The following CELA3B variants were observed in gnomAD, a reference collection of about 807,000 sequenced individuals.
CELA3B encodes the protein chymotrypsin-like elastase family member 3B.
In CELA3B, 34 loss-of-function variants were observed where a neutral mutation model predicts 37.2. That is an observed-to-expected ratio of 0.91 (90% CI 0.70 to 1.22). The LOEUF (loss-of-function observed/expected upper bound fraction) is 1.22. Ranked by LOEUF, CELA3B falls within the 50% of genes most tolerant of loss-of-function variation. The pLI, the probability that CELA3B is intolerant of heterozygous loss-of-function variation, is 0.00. For synonymous variants in CELA3B, 127 were observed against 143.5 expected, an observed-to-expected ratio of 0.89 and a Z score of 0.82; for missense variants, 340 against 363.1, an observed-to-expected ratio of 0.94 and a Z score of 0.52.
intron 4 of CELA3B, among the ~76,000 whole-genome samples, 153 bp from the exon 5 acceptor site, chr1:21,983,541 T>A (rs1343897192): frequency 2.4e-5 from 2 of 83,926 alleles, no homozygotes; most frequent in African/African-American, 9.0e-5. Context: ...TCTGTCTCAA[T>A]AATAATAATG....
downstream of CELA3B, among the ~76,000 whole-genome samples, chr1:21,992,419 A>G (rs997674437): frequency 6.6e-5 from 10 of 151,808 alleles, no homozygotes; most frequent in African/African-American, 2.2e-4. Context: ...GCATGACAAC[A>G]AGACCCTGTG....
chr1:21,986,196 C>T (rs1221100404), intron 6 of CELA3B, among the ~76,000 whole-genome samples: 1 of 151,112 alleles, frequency 6.6e-6, no homozygotes, highest in Non-Finnish European at 1.5e-5. Context: ...TGGTGAAATC[C>T]CATCTCTATT....
At chr1:21,990,077 A>G (rs1644863850), downstream of CELA3B, among the ~76,000 whole-genome samples, 1 of 150,766 alleles carries the variant, frequency 6.6e-6, no homozygotes, top group African/African-American at 2.5e-5. Context: ...AAGGGGGAAG[A>G]GCCCCTTATA....
intron 6 of CELA3B, among the ~76,000 whole-genome samples, chr1:21,985,479 T>G (rs1444726476): frequency 6.6e-6 from 1 of 152,028 alleles, no homozygotes; most frequent in Non-Finnish European, 1.5e-5. Flanking sequence ...AGTCTCACCA[T>G]GTTGCCCAGG....
At chr1:21,982,466 G>A (rs1328802342) in intron 4 of CELA3B, among the ~76,000 whole-genome samples, 4 of 151,764 alleles carry the variant, frequency 2.6e-5, no homozygotes, top group Non-Finnish European at 5.9e-5. Context: ...GTGTGGTGAC[G>A]CGCACCTATA....
rs4415533 is a variant in CELA3B at position 21,977,209 on chromosome 1, C to T, written c.43+127C>T. ...CCACAGGAGGGGGTCTCAGCTTGTA[C>T]CCGGGGGCATGACTGTGGGGGCTTT... On this transcript the variant is annotated intron_variant, in intron 1 of 7. Transcript: ENST00000337107. 5.7e-6 allele frequency: 8 copies of T among 1,404,846 alleles called. No individual in the cohort carries two copies. The South Asian group carries it at 7.0e-5, about 12-fold the overall frequency. The allele number at this position is 1,404,846 out of a possible 1,614,324, so 87.0% of individuals were successfully genotyped here.
intron 2 of CELA3B, among the ~76,000 whole-genome samples, chr1:21,979,343 A>T (rs1644790566): frequency 6.6e-6 from 1 of 151,804 alleles, no homozygotes; most frequent in South Asian, 2.1e-4. Flanking sequence ...AAGTGCTGGG[A>T]TTACAGGTGT....
intron 7 of CELA3B, 150 bp from the exon 8 acceptor site, chr1:21,989,112 C>T (rs1205625491): frequency 6.8e-7 from 1 of 1,473,394 alleles, no homozygotes; most frequent in Admixed American, 1.9e-5. Flanking sequence ...ATCATTATCC[C>T]TACTACATAG....
rs1342711079 is a variant in CELA3B, at chr1:21,983,768, C to T, written c.437C>T (p.Pro146Leu). Reference protein sequence around the residue: ...GDAVQLASLPPAGDILPNETP... With the variant: ...GDAVQLASLPLAGDILPNETP... ...GCCGTCCAGCTCGCCTCACTCCCTC[C>T]GGCTGGTGACATCCTTCCCAACGAG... Residue 146 changes from proline to leucine, a missense_variant, in exon 5 of 8, where the codon CCG becomes CTG. Pro to Leu is a moderately conservative substitution (Grantham distance 98, BLOSUM62 -3). Transcript: ENST00000337107. The T allele has an allele frequency of 1.9e-6, 3 of 1,613,774 alleles. No homozygotes were observed. The highest frequency in any genetic ancestry group is 2.7e-5 in the African/African-American group (2 of 74,916).
intron 4 of CELA3B, among the ~76,000 whole-genome samples, chr1:21,982,596 CA>C (rs71016964): frequency 6.6e-6 from 1 of 150,586 alleles, no homozygotes; most frequent in African/African-American, 2.4e-5. Context: ...TACCCTGTCT[CA>C]AAAAAAAAGT....
intron 2 of CELA3B, among the ~76,000 whole-genome samples, chr1:21,979,453 C>CTTTTTTTTTTT (rs66459906): frequency 1.2e-5 from 1 of 85,450 alleles, no homozygotes; most frequent in African/African-American, 4.2e-5. Context: ...CTTTTCTTTT[C>CTTTTTTTTTTT]TTTTTTTTTT....
Position 21,997,684 on chromosome 1 carries a change from C to A in CELA3B, c.505-467C>A, listed in dbSNP as rs550156734. ...AGCCTGGGGGACAAGAGTGAGACTT[C>A]GTCTCCAAAAAAAAAAAAAAATTAT... On this transcript the variant is annotated intron_variant, in intron 4 of 4. Transcript: ENST00000400277. 6.0e-5 allele frequency among the ~76,000 whole-genome samples: 7 copies of A among 116,280 alleles called. 1 individual carries two copies. Among genetic ancestry groups the A allele is most frequent in the East Asian group, 4.1e-4 (2 of 4,936 alleles). The allele number at this position is 116,280 out of a possible 152,430, so 76.3% of individuals were successfully genotyped here.
downstream of CELA3B, among the ~76,000 whole-genome samples, chr1:21,991,492 C>T (rs1283545342): frequency 1.3e-5 from 2 of 150,904 alleles, no homozygotes; most frequent in Non-Finnish European, 2.9e-5. Context: ...CATGCCACCA[C>T]GCTCAGCTAA....
rs770659503 is a variant in CELA3B, at chr1:21,986,529, A to G, written c.643-2A>G. 16 of 1,613,868 alleles carry G rather than the reference A, an allele frequency of 9.9e-6. No individual in the cohort carries two copies. Among genetic ancestry groups the G allele is most frequent in the Non-Finnish European group, 1.2e-5 (14 of 1,180,004 alleles). ...CCACCCACACCTCTCTGACGGTTCC[A>G]GGGTGACTCTGGAGGACCCCTCAAC... On this transcript the variant is annotated splice_acceptor_variant, in intron 6 of 7. Coordinates refer to ENST00000337107, the MANE Select transcript of CELA3B (RefSeq NM_007352.4). LOFTEE classifies it high-confidence loss of function.
At chr1:21,979,280 C>T (rs1644790347) in intron 2 of CELA3B, among the ~76,000 whole-genome samples, 1 of 151,552 alleles carries the variant, frequency 6.6e-6, no homozygotes, top group Non-Finnish European at 1.5e-5. Context: ...CTATGTTGGC[C>T]AGGCCAGTCT....
In CELA3B at chr1:21,989,307, C is replaced by T. The variant is rs200236429; in HGVS notation, c.*28C>T. ...CCAAGGCCCAGCTGGCAGTGCTGAT[C>T]GATCCCACATCCTGAATAAAGAATA... is the stretch of plus-strand genomic sequence containing the variant. On this transcript the variant is annotated 3_prime_UTR_variant, in exon 8 of 8. Transcript: ENST00000337107. 6.4e-5 allele frequency: 94 copies of T among 1,473,906 alleles called. No individual in the cohort carries two copies. In the East Asian group the frequency reaches 8.2e-4, roughly 13 times the overall value. 91.3% of individuals were successfully genotyped at this position (1,473,906 alleles called of 1,614,324 possible).
chr1:21,992,487 C>G (rs563344765), downstream of CELA3B, among the ~76,000 whole-genome samples: 1 of 151,566 alleles, frequency 6.6e-6, no homozygotes, highest in African/African-American at 2.4e-5. Context: ...GTAAACCAGA[C>G]AGAACCAGTC....
At chr1:21,997,633 G>GA (rs1644896575) in intron 4 of CELA3B, among the ~76,000 whole-genome samples, 1 of 150,328 alleles carries the variant, frequency 6.7e-6, no homozygotes. Context: ...AGGTGGCAGT[G>GA]AGCCGAGATC....
At chr1:21,984,534 A>C (rs1209558260) in intron 6 of CELA3B, among the ~76,000 whole-genome samples, 3 of 152,006 alleles carry the variant, frequency 2.0e-5, no homozygotes, top group African/African-American at 7.2e-5. Flanking sequence ...GTCTCAGCTC[A>C]CACACTGACA....
Sources: gnomAD v4.1 joint callset for allele counts (sites outside exome capture counted in the v4.1 genomes callset) on GRCh38, gnomAD v4.1.1 for gene constraint, MANE v1.5 for transcripts, NCBI Gene and HGNC (gene_info 2026-07-23, HGNC 2026-07-21) for gene names.